The following WDR19 variants were observed in gnomAD, a reference collection of about 807,000 sequenced individuals.
The protein encoded by WDR19 is WD repeat domain 19.
In WDR19, 121 loss-of-function variants were observed where a neutral mutation model predicts 180.0. The ratio of observed to expected loss-of-function variants is 0.67; its 90% CI spans 0.58 to 0.78. The LOEUF (loss-of-function observed/expected upper bound fraction) is 0.78. Ranked by LOEUF, WDR19 falls within the 30% of genes least tolerant of loss-of-function variation. WDR19 has a pLI of 0.00. For synonymous variants in WDR19, 497 were observed against 540.7 expected (o/e 0.92, Z 1.12); for missense variants, 1,450 against 1,640.7 (o/e 0.88, Z 2.01).
intron 13 of WDR19, among the ~76,000 whole-genome samples, 156 bp from the exon 14 acceptor site, chr4:39,217,827 C>T (rs1348932257): frequency 6.6e-6 from 1 of 152,176 alleles, no homozygotes; most frequent in East Asian, 1.9e-4. Context: ...GCTGGCAAGC[C>T]GTGGTTCCTG....
intron 36 of WDR19, among the ~76,000 whole-genome samples, chr4:39,282,636 A>G (rs7680326): frequency 0.99 from 149,856 of 152,056 alleles, 73,884 homozygotes; most frequent in Middle Eastern, 1. Context: ...GACCTCAGGT[A>G]ATCCACCCAC....
At chr4:39,216,907 T>G (rs563455404) in intron 12 of WDR19, among the ~76,000 whole-genome samples, 1 of 152,364 alleles carries the variant, frequency 6.6e-6, no homozygotes, top group African/African-American at 2.4e-5. Flanking sequence ...TTACTTTGTT[T>G]CAGGTAAACC....
At chr4:39,276,107 G>C (rs1488316117) in intron 33 of WDR19, among the ~76,000 whole-genome samples, 1 of 152,172 alleles carries the variant, frequency 6.6e-6, no homozygotes, top group Non-Finnish European at 1.5e-5. Flanking sequence ...ACGAGACCCA[G>C]GTACCTGAAT....
intron 33 of WDR19, chr4:39,275,339 CAAAAA>C (rs1225402757): frequency 3.7e-4 from 40 of 107,162 alleles, no homozygotes; most frequent in South Asian, 5.9e-4. Context: ...GACCCCATCT[CAAAAA>C]AAAAAAAAAA....
intron 6 of WDR19, 42 bp from the exon 7 acceptor site, chr4:39,203,600 A>G (rs1317231849): frequency 2.7e-6 from 4 of 1,487,742 alleles, no homozygotes; most frequent in Non-Finnish European, 2.8e-6. Flanking sequence ...ATGAATTTAA[A>G]TATTGGGTTT....
intron 4 of WDR19, 149 bp downstream of exon 4, chr4:39,189,930 A>G (rs1479904152): frequency 1.4e-5 from 14 of 1,021,562 alleles, no homozygotes; most frequent in Admixed American, 3.4e-5. Context: ...TTGTTACCCA[A>G]TTAGAATGAA....
chr4:39,276,987 G>T, intron 33 of WDR19, 33 bp from the exon 34 acceptor site: 1 of 1,610,258 alleles, frequency 6.2e-7, no homozygotes, highest in South Asian at 1.1e-5. Flanking sequence ...TGAATAAAAC[G>T]GCATTTTTAA....
At chr4:39,280,154 G>T (rs1343783491) in intron 36 of WDR19, among the ~76,000 whole-genome samples, 1 of 99,078 alleles carries the variant, frequency 1.0e-5, no homozygotes. Context: ...TAGAGGCAGG[G>T]TCTCGCCACA....
At chr4:39,257,576 C>T (rs748194466) in intron 28 of WDR19, 22 bp downstream of exon 28, 78 of 1,553,272 alleles carry the variant, frequency 5.0e-5, no homozygotes, top group Non-Finnish European at 6.5e-5. Flanking sequence ...TTCAATGAAA[C>T]TTTCAATAAT....
At position 39,186,544 on chromosome 4, in the gene WDR19, A is replaced by G; in HGVS notation, c.104A>G (p.Asp35Gly). The change falls in exon 3 of 37, where the codon GAT becomes GGT. Residue 35 changes from aspartate (D) to glycine (G), a missense_variant. Physicochemically the swap from Asp to Gly is moderately conservative, Grantham distance 94 (BLOSUM62 -1). Coordinates refer to ENST00000399820, the MANE Select transcript of WDR19 (RefSeq NM_025132.4). The stretch of plus-strand genomic sequence containing the variant: ...TATGTTCTGATTGCTTTCAGAGCTG[A>G]TTATATTGTGAAAATCTTTGATCGC... The part of the protein sequence containing the change: ...SGNYLAVTGA[D>G]YIVKIFDRHG... 1 of 1,490,706 alleles carries G rather than the reference A, an allele frequency of 6.7e-7. No individual in the cohort carries two copies. Among genetic ancestry groups the G allele is most frequent in the African/African-American group, 1.4e-5 (1 of 70,400 alleles). 92.3% of individuals were successfully genotyped at this position (1,490,706 alleles called of 1,614,324 possible).
chr4:39,276,509 A>G (rs1393759205), intron 33 of WDR19, among the ~76,000 whole-genome samples: 1 of 152,200 alleles, frequency 6.6e-6, no homozygotes, highest in Non-Finnish European at 1.5e-5. Context: ...AAATTTAGTT[A>G]AAATGGAATA....
At chr4:39,255,237 G>C (rs763126776) in intron 26 of WDR19, among the ~76,000 whole-genome samples, 52 of 152,056 alleles carry the variant, frequency 3.4e-4, no homozygotes, top group Non-Finnish European at 6.8e-4. Context: ...ATTGGTGGGG[G>C]GTGTGTGGGC....
chr4:39,197,964 G>A (rs971554002), intron 5 of WDR19, among the ~76,000 whole-genome samples: 1 of 151,472 alleles, frequency 6.6e-6, no homozygotes, highest in Non-Finnish European at 1.5e-5. Context: ...TCAGCTTCCC[G>A]AGTAGCTGGG....
intron 36 of WDR19, among the ~76,000 whole-genome samples, chr4:39,284,762 C>CCAAA (rs1252516220): frequency 6.6e-6 from 1 of 152,062 alleles, no homozygotes; most frequent in African/African-American, 2.4e-5. Flanking sequence ...CAGAATCTCT[C>CCAAA]CAAACACTAT....
At chr4:39,182,595 G>A in intron 1 of WDR19, 32 bp downstream of exon 1, 1 of 1,613,436 alleles carries the variant, frequency 6.2e-7, no homozygotes. Flanking sequence ...GGGGTGGGGC[G>A]GGAAAACGCG....
chr4:39,258,584 C>T (rs1361425396), intron 28 of WDR19, among the ~76,000 whole-genome samples: 1 of 152,168 alleles, frequency 6.6e-6, no homozygotes, highest in Non-Finnish European at 1.5e-5. Context: ...TAAAGCTGCA[C>T]TAAAGCTGTT....
At chr4:39,206,882 A>G (rs923194779) in intron 9 of WDR19, among the ~76,000 whole-genome samples, 3 of 152,246 alleles carry the variant, frequency 2.0e-5, no homozygotes, top group African/African-American at 7.2e-5. Context: ...AGCCAGGTTG[A>G]TGGCCTGCTG....
intron 24 of WDR19, among the ~76,000 whole-genome samples, chr4:39,248,130 C>G (rs1732735703): frequency 6.6e-6 from 1 of 152,190 alleles, no homozygotes; most frequent in Admixed American, 6.5e-5. Context: ...CAAAGGGAAG[C>G]CCTTCAGACT....
At chr4:39,224,276 A>G (rs1050466086) in intron 14 of WDR19, among the ~76,000 whole-genome samples, 6 of 152,208 alleles carry the variant, frequency 3.9e-5, no homozygotes, top group African/African-American at 1.4e-4. Flanking sequence ...ATTTCTAGCA[A>G]GTAGGAAATC....
Sources: allele counts gnomAD v4.1 joint callset (sites outside exome capture counted in the v4.1 genomes callset), GRCh38; gene constraint gnomAD v4.1.1; transcripts MANE v1.5; gene names NCBI Gene and HGNC (gene_info 2026-07-23, HGNC 2026-07-21).